The following EZH2 variants were observed in gnomAD, a reference collection of about 807,000 sequenced individuals.
EZH2 encodes the protein histone-lysine N-methyltransferase EZH2.
EZH2 carries 18 observed loss-of-function variants against 98.4 expected under a neutral mutation model. The observed-to-expected ratio is 0.18, with a 90% CI of 0.13 to 0.27. The LOEUF (loss-of-function observed/expected upper bound fraction) is 0.27, where lower values mean the gene tolerates loss of function less well. Ranked by LOEUF, EZH2 falls within the 10% of genes least tolerant of loss-of-function variation. The pLI, the probability that EZH2 is intolerant of heterozygous loss-of-function variation, is 1.00. For synonymous variants in EZH2, 338 were observed against 312.3 expected, an observed-to-expected ratio of 1.08 and a Z score of -0.87; for missense variants, 470 against 935.1, an observed-to-expected ratio of 0.50 and a Z score of 6.49.
chr7:148,867,670 C>A (rs1164354016), intron 1 of EZH2, among the ~76,000 whole-genome samples: 1 of 152,172 alleles, frequency 6.6e-6, no homozygotes, highest in African/African-American at 2.4e-5. Context: ...GAATTTCTCC[C>A]CAGAAAGTGA....
At chr7:148,834,067 T>C (rs1334756595) in intron 3 of EZH2, among the ~76,000 whole-genome samples, 1 of 152,160 alleles carries the variant, frequency 6.6e-6, no homozygotes, top group East Asian at 1.9e-4. Flanking sequence ...TCCATTCTTA[T>C]CACAGTGATT....
Position 148,819,701 on chromosome 7 carries a change from G to C in EZH2, c.908-14C>G, listed in dbSNP as rs371337932. ...TTGCATGAAAAGCTGCAAAATAAAT[G>C]AAACAAAGAATCTAATATAACTATA... On this transcript the variant is annotated splice_polypyrimidine_tract_variant and intron_variant, in intron 8 of 19. Transcript: ENST00000320356. The C allele has an allele frequency of 1.1e-5, 17 of 1,608,448 alleles. 1 individual carries two copies. The highest frequency in any genetic ancestry group is 6.7e-5 in the East Asian group (3 of 44,818).
At chr7:148,811,497 G>T in intron 16 of EZH2, 128 bp downstream of exon 16, 1 of 708,564 alleles carries the variant, frequency 1.4e-6, no homozygotes, top group Non-Finnish European at 2.3e-6. Context: ...CAGAAGTCCA[G>T]GCTGAAAAGG....
intron 1 of EZH2, among the ~76,000 whole-genome samples, chr7:148,871,046 T>C (rs1032023406): frequency 6.6e-6 from 1 of 152,166 alleles, no homozygotes; most frequent in Non-Finnish European, 1.5e-5. Context: ...ATAATTAAAA[T>C]GCATGATTTT....
At chr7:148,808,403 G>A (rs1345073383) in intron 19 of EZH2, among the ~76,000 whole-genome samples, 1 of 152,214 alleles carries the variant, frequency 6.6e-6, no homozygotes. Flanking sequence ...CTTCTGGATG[G>A]GATGTACACG....
intron 15 of EZH2, among the ~76,000 whole-genome samples, chr7:148,812,684 A>C (rs1324480326): frequency 6.6e-6 from 1 of 152,218 alleles, no homozygotes; most frequent in African/African-American, 2.4e-5. Flanking sequence ...GTGAGGAAGG[A>C]GTACAATGGT....
At chr7:148,833,466 AAAAAT>A (rs869127476) in intron 3 of EZH2, among the ~76,000 whole-genome samples, 4 of 31,836 alleles carry the variant, frequency 1.3e-4, no homozygotes, top group Admixed American at 4.3e-4. Context: ...CAAAAAAAAA[AAAAAT>A]AAAATAAAAT....
Position 148,827,158 on chromosome 7 carries a change from T to A in EZH2, c.728+6A>T. 6.2e-7 allele frequency: 1 copy of A among 1,606,980 alleles called. No homozygotes were observed. On this transcript the variant is annotated splice_donor_region_variant and intron_variant, in intron 7 of 19. Transcript: ENST00000320356. Reference sequence around the variant, plus strand: ...GCAAGATTGCCTCAAAGGAACAAATTCTTACTTTTCCTTTAGTTCTTCTGC... The same window carrying A: ...GCAAGATTGCCTCAAAGGAACAAATACTTACTTTTCCTTTAGTTCTTCTGC...
At position 148,862,044 on chromosome 7, in the gene EZH2, A is replaced by G. The variant is rs148954127; in HGVS notation, c.-7-14739T>C. ...GGATCTCGTGCTTTGATATTACACC[A>G]AAACAGTTCTATTAAAAAGTGGCTA... On this transcript the variant is annotated intron_variant, in intron 1 of 19. Transcript: ENST00000320356. 9.9e-5 allele frequency among the ~76,000 whole-genome samples: 15 copies of G among 152,248 alleles called. No homozygotes were observed. In the East Asian group the frequency reaches 2.7e-3, roughly 27 times the overall value.
At chr7:148,863,409 T>C (rs1817989568) in intron 1 of EZH2, among the ~76,000 whole-genome samples, 1 of 152,230 alleles carries the variant, frequency 6.6e-6, no homozygotes, top group Non-Finnish European at 1.5e-5. Context: ...ATCTGTCATA[T>C]GTCAGTGCCA....
chr7:148,839,065 G>GAAGGAAGGAAGGAAGC (rs1811674677), intron 3 of EZH2, among the ~76,000 whole-genome samples: 1 of 130,358 alleles, frequency 7.7e-6, no homozygotes, highest in Non-Finnish European at 1.7e-5. Flanking sequence ...AGGAAGGAAG[G>GAAGGAAGGAAGGAAGC]AAGGAAGGAA....
intron 4 of EZH2, among the ~76,000 whole-genome samples, chr7:148,830,208 C>T (rs1035130415): frequency 2.2e-4 from 34 of 152,254 alleles, no homozygotes; most frequent in African/African-American, 6.5e-4. Flanking sequence ...TTAATTGAGA[C>T]GAGTGTCTCA....
Position 148,841,871 on chromosome 7 carries a change from A to ATT in EZH2, c.246+4597_246+4598dup, listed in dbSNP as rs1215117173. Among the ~76,000 whole-genome samples the ATT allele has an allele frequency of 3.3e-5, 5 of 152,308 alleles. No individual in the cohort carries two copies. The South Asian group carries it at 6.2e-4, about 19-fold the overall frequency. On this transcript the variant is annotated intron_variant, in intron 3 of 19. Transcript: ENST00000320356. ...TGCCAACATACAAAATAATTTACAC[A>ATT]TTATTTTGATAGAAGCTTCTCCCCC... is the stretch of plus-strand genomic sequence containing the variant.
intron 8 of EZH2, chr7:148,821,201 G>C (rs187060468): frequency 1.3e-5 from 2 of 151,562 alleles, no homozygotes; most frequent in South Asian, 2.1e-4. Context: ...TAATTACACA[G>C]CTGGAAAACT....
intron 1 of EZH2, among the ~76,000 whole-genome samples, chr7:148,879,074 A>G (rs1820574321): frequency 6.7e-6 from 1 of 149,890 alleles, no homozygotes; most frequent in South Asian, 2.1e-4. Context: ...AAAATACAAA[A>G]ATTAGCCAGG....
chr7:148,854,435 C>CAA (rs59202218), intron 1 of EZH2, among the ~76,000 whole-genome samples: 1,004 of 87,378 alleles, frequency 0.011, 12 homozygotes, highest in Middle Eastern at 0.033. Flanking sequence ...GACTCCGTCT[C>CAA]AAAAAAAAAA....
At position 148,847,317 on chromosome 7, in the gene EZH2, G is replaced by A; in HGVS notation, c.-7-12C>T. On this transcript the variant is annotated splice_polypyrimidine_tract_variant and intron_variant, in intron 1 of 19. Transcript: ENST00000320356. ...GGCCCATGATTATTCTAAAAGCAAT[G>A]GTTTCATATTAAAATCACTAATCTA... 7 of 1,612,306 alleles carry A rather than the reference G, an allele frequency of 4.3e-6. No individual in the cohort carries two copies. The highest frequency in any genetic ancestry group is 1.1e-5 in the South Asian group (1 of 90,816).
At chr7:148,879,095 C>T (rs1010735739) in intron 1 of EZH2, among the ~76,000 whole-genome samples, 2 of 147,572 alleles carry the variant, frequency 1.4e-5, no homozygotes, top group Non-Finnish European at 3.0e-5. Context: ...TGTGGTGGTG[C>T]GTTCCCGTAA....
At chr7:148,841,180 C>T (rs1812327113) in intron 3 of EZH2, among the ~76,000 whole-genome samples, 1 of 150,902 alleles carries the variant, frequency 6.6e-6, no homozygotes, top group Admixed American at 6.6e-5. Flanking sequence ...TCACAAATGA[C>T]CTTTTTTTTT....
Sources: allele counts gnomAD v4.1 joint callset (sites outside exome capture counted in the v4.1 genomes callset), GRCh38; gene constraint gnomAD v4.1.1; transcripts MANE v1.5; gene names NCBI Gene and HGNC (gene_info 2026-07-23, HGNC 2026-07-21).